REDIC1: variants seen among roughly 807,000 people sequenced by gnomAD.
The protein encoded by REDIC1 is HEI10 Interacting Protein 1.
the REDIC1 span, chr12:39,683,381 AT>A: frequency 3.7e-5 from 55 of 1,474,264 alleles, no homozygotes; most frequent in Non-Finnish European, 5.0e-5. Context: ...ACTATGCTAA[AT>A]TTTTAACTCG....
At chr12:39,722,446 C>G in the REDIC1 span, among the ~76,000 whole-genome samples, 4 of 151,994 alleles carry the variant, frequency 2.6e-5, no homozygotes, top group Non-Finnish European at 4.4e-5. Flanking sequence ...AAAGGTATTC[C>G]ACTGTGGATT....
chr12:39,686,150 G>A, the REDIC1 span, among the ~76,000 whole-genome samples: 1 of 152,176 alleles, frequency 6.6e-6, no homozygotes, highest in African/African-American at 2.4e-5. Context: ...GGGTCTGAAG[G>A]ATGGCGGTCT....
chr12:39,682,713 A>G, the REDIC1 span: 1 of 1,613,260 alleles, frequency 6.2e-7, no homozygotes, highest in Non-Finnish European at 8.5e-7. Flanking sequence ...TTACTGAAAA[A>G]CACTCAATAC....
At chr12:39,819,024 A>G in the REDIC1 span, among the ~76,000 whole-genome samples, 23 of 152,156 alleles carry the variant, frequency 1.5e-4, no homozygotes, top group Non-Finnish European at 2.8e-4. Context: ...ACTGTCAATC[A>G]TAGTTTTCAG....
the REDIC1 span, among the ~76,000 whole-genome samples, chr12:39,696,499 C>T: frequency 7.7e-5 from 10 of 129,036 alleles, no homozygotes; most frequent in African/African-American, 2.7e-4. Context: ...GCCGAGATCC[C>T]GCCACTGCAC....
the REDIC1 span, among the ~76,000 whole-genome samples, chr12:39,693,569 G>T: frequency 6.6e-6 from 1 of 151,886 alleles, no homozygotes; most frequent in African/African-American, 2.4e-5. Context: ...AAAGAATTAA[G>T]TGAATTTATT....
At chr12:39,741,018 G>A in the REDIC1 span, among the ~76,000 whole-genome samples, 1 of 152,086 alleles carries the variant, frequency 6.6e-6, no homozygotes, top group Non-Finnish European at 1.5e-5. Flanking sequence ...CCAGGCTGGA[G>A]TGCAGTGGTG....
the REDIC1 span, among the ~76,000 whole-genome samples, chr12:39,683,783 A>T: frequency 6.6e-6 from 1 of 151,484 alleles, no homozygotes; most frequent in Non-Finnish European, 1.5e-5. Context: ...TCAATTTATT[A>T]ACTTAAAGTA....
the REDIC1 span, among the ~76,000 whole-genome samples, chr12:39,876,173 T>A: frequency 8.7e-4 from 132 of 152,188 alleles, 2 homozygotes; most frequent in Non-Finnish European, 9.4e-4. Context: ...CTGTAGACAT[T>A]TAAGAACAGC....
the REDIC1 span, among the ~76,000 whole-genome samples, chr12:39,839,789 C>T: frequency 2.0e-5 from 3 of 152,034 alleles, no homozygotes; most frequent in African/African-American, 7.2e-5. Context: ...TCCTTTGTTT[C>T]TCTTCTCTAA....
At chr12:39,652,649 A>C in the REDIC1 span, among the ~76,000 whole-genome samples, 1 of 152,104 alleles carries the variant, frequency 6.6e-6, no homozygotes, top group Non-Finnish European at 1.5e-5. Context: ...AAAACCAACA[A>C]ATCTTTGCTT....
chr12:39,889,529 C>CTTTTTT, the REDIC1 span, among the ~76,000 whole-genome samples: 2 of 119,866 alleles, frequency 1.7e-5, no homozygotes, highest in Non-Finnish European at 3.5e-5. Context: ...GGTAAACAAC[C>CTTTTTT]TTTTTTTTTT....
At chr12:39,706,938 C>A in the REDIC1 span, among the ~76,000 whole-genome samples, 9 of 151,850 alleles carry the variant, frequency 5.9e-5, no homozygotes, top group African/African-American at 2.2e-4. Context: ...CCAGGACATT[C>A]CTTTGGGTAA....
chr12:39,898,428 C>A, the REDIC1 span, among the ~76,000 whole-genome samples: 1 of 152,016 alleles, frequency 6.6e-6, no homozygotes, highest in South Asian at 2.1e-4. Flanking sequence ...GTAAAATAAC[C>A]AGTGTTTGTG....
chr12:39,770,536 C>T, the REDIC1 span, among the ~76,000 whole-genome samples: 5 of 152,104 alleles, frequency 3.3e-5, no homozygotes, highest in East Asian at 1.9e-4. Context: ...TTGAGTTTAG[C>T]GGGCACTGGC....
chr12:39,669,808 C>T, the REDIC1 span, among the ~76,000 whole-genome samples: 4 of 152,164 alleles, frequency 2.6e-5, no homozygotes, highest in Non-Finnish European at 4.4e-5. Context: ...GACTGCTGTG[C>T]TAGCTATGAG....
At chr12:39,904,081 G>A in the REDIC1 span, among the ~76,000 whole-genome samples, 1 of 152,086 alleles carries the variant, frequency 6.6e-6, no homozygotes, top group Non-Finnish European at 1.5e-5. Context: ...CAGAGCAAAG[G>A]TCACAGGTTC....
At chr12:39,711,567 A>ATGTGCATACACATGCATGTG in the REDIC1 span, among the ~76,000 whole-genome samples, 1,563 of 13,522 alleles carry the variant, frequency 0.12, 101 homozygotes, top group African/African-American at 0.17. Context: ...ATGCATGTGT[A>ATGTGCATACACATGCATGTG]TATGTGCATA....
chr12:39,846,223 A>C, the REDIC1 span, among the ~76,000 whole-genome samples: 1 of 152,164 alleles, frequency 6.6e-6, no homozygotes, highest in African/African-American at 2.4e-5. Flanking sequence ...AAAGTATATC[A>C]ACATAGGTAT....
Sources: allele counts gnomAD v4.1 joint callset (sites outside exome capture counted in the v4.1 genomes callset), GRCh38; gene constraint gnomAD v4.1.1; transcripts MANE v1.5; gene names NCBI Gene and HGNC (gene_info 2026-07-23, HGNC 2026-07-21).